PARD6B: variants seen among roughly 807,000 people sequenced by gnomAD.
The protein encoded by PARD6B is partitioning defective 6 homolog beta.
PARD6B carries 4 observed loss-of-function variants against 10.5 expected under a neutral mutation model. That is an observed-to-expected ratio of 0.38 (90% CI 0.19 to 0.87). PARD6B has a LOEUF of 0.87. Among genes scored for constraint, PARD6B ranks in the 40% least tolerant of loss-of-function variants. PARD6B has a pLI of 0.41. For synonymous variants in PARD6B, 169 were observed against 170.4 expected (o/e 0.99, Z 0.07); for missense variants, 396 against 470.6 (o/e 0.84, Z 1.47).
chr20:50,735,961 T>C (rs1026398387), intron 1 of PARD6B, among the ~76,000 whole-genome samples: 1 of 152,218 alleles, frequency 6.6e-6, no homozygotes, highest in African/African-American at 2.4e-5. Flanking sequence ...TTTGATAACA[T>C]CATGAGACTA....
At position 50,753,086 on chromosome 20, in the gene PARD6B, TA is replaced by T. The variant is rs2087623755; in HGVS notation, c.*2601del. Reference sequence around the variant, plus strand: ...CACACTACCTCTCTCTTTTTTTTTTTAAAGTTTTAACATCAGAACTTTTGGG... The same window carrying T: ...CACACTACCTCTCTCTTTTTTTTTTTAAGTTTTAACATCAGAACTTTTGGG... On this transcript the variant is annotated 3_prime_UTR_variant, in exon 3 of 3. Coordinates refer to ENST00000371610, the MANE Select transcript of PARD6B (RefSeq NM_032521.3). 14 of 982,368 alleles carry T rather than the reference TA, an allele frequency of 1.4e-5. No homozygotes were observed. Among genetic ancestry groups the T allele is most frequent in the African/African-American group, 1.1e-4 (6 of 57,006 alleles). 60.9% of individuals were successfully genotyped at this position (982,368 alleles called of 1,614,324 possible). A position where few individuals can be genotyped will look rare whatever the true frequency, so the allele number is the denominator to read the frequency against.
At chr20:50,740,536 T>C (rs900612503) in intron 2 of PARD6B, among the ~76,000 whole-genome samples, 1 of 152,232 alleles carries the variant, frequency 6.6e-6, no homozygotes. Flanking sequence ...TTATCTTTTA[T>C]TTCCTTTCTA....
rs1202390165 is a variant in PARD6B, at chr20:50,731,730, C to A, written c.-57C>A. 14 of 1,387,990 alleles carry A rather than the reference C, an allele frequency of 1.0e-5. No individual in the cohort carries two copies. The East Asian group carries it at 4.4e-4, about 43-fold the overall frequency. 86.0% of individuals were successfully genotyped at this position (1,387,990 alleles called of 1,614,324 possible). On this transcript the variant is annotated 5_prime_UTR_variant, in exon 1 of 3. Transcript: ENST00000371610. ...GATCCCCAGTCGCGCACTCGCTCCC[C>A]GCGCTCCTGAGGGGCCGCCCGGCCG...
In PARD6B at chr20:50,753,343, C is replaced by T. The variant is rs945184195; in HGVS notation, c.*2855C>T. On this transcript the variant is annotated 3_prime_UTR_variant, in exon 3 of 3. Coordinates refer to ENST00000371610, the MANE Select transcript of PARD6B (RefSeq NM_032521.3). The stretch of plus-strand genomic sequence containing the variant: ...GTAAAACCAATAGATCCTGGTTATA[C>T]GATAAAATATCAGCTCATTGGTAGG... 12 of 984,988 alleles carry T rather than the reference C, an allele frequency of 1.2e-5. No individual in the cohort carries two copies. The South Asian group carries it at 1.4e-4, about 12-fold the overall frequency. The allele number at this position is 984,988 out of a possible 1,614,324, so 61.0% of individuals were successfully genotyped here.
At position 50,750,057 on chromosome 20, in the gene PARD6B, C is replaced by G. The variant is rs76004231; in HGVS notation, c.688C>G (p.Gln230Glu). 5 of 1,614,072 alleles carry G rather than the reference C, an allele frequency of 3.1e-6. No homozygotes were observed. In the African/African-American group the frequency reaches 6.7e-5, roughly 22 times the overall value. The change falls in exon 3 of 3, where the codon CAA becomes GAA. Residue 230 changes from glutamine (Q) to glutamate (E), a missense_variant. Transcript: ENST00000371610. Reference protein sequence around the residue: ...GIEVSGKSLDQVTDMMIANSR... With the variant: ...GIEVSGKSLDEVTDMMIANSR... Reference sequence around the variant, plus strand: ...AGAAGTTTCAGGGAAGAGCCTTGATCAAGTAACAGACATGATGATTGCAAA... The same window carrying G: ...AGAAGTTTCAGGGAAGAGCCTTGATGAAGTAACAGACATGATGATTGCAAA...
rs1232164121 is a variant in PARD6B at position 50,751,337 on chromosome 20, T to G, written c.*849T>G. 52 of 917,834 alleles carry G rather than the reference T, an allele frequency of 5.7e-5. No homozygotes were observed. The highest frequency in any genetic ancestry group is 2.5e-4 in the South Asian group (5 of 20,022). The allele number at this position is 917,834 out of a possible 1,614,324, so 56.9% of individuals were successfully genotyped here. On this transcript the variant is annotated 3_prime_UTR_variant, in exon 3 of 3. Transcript: ENST00000371610. ...TGTTCTCAAGTACATTTCCAGTTTC[T>G]TTTCTTTTCTTTCTTTTTTTTTTTT...
At chr20:50,740,512 T>C (rs2087525114) in intron 2 of PARD6B, among the ~76,000 whole-genome samples, 1 of 152,238 alleles carries the variant, frequency 6.6e-6, no homozygotes, top group Non-Finnish European at 1.5e-5. Flanking sequence ...AATCCTAACA[T>C]CTTTTAAGGG....
intron 1 of PARD6B, among the ~76,000 whole-genome samples, chr20:50,733,815 T>A (rs989448289): frequency 5.7e-4 from 86 of 152,198 alleles, no homozygotes; most frequent in African/African-American, 2.0e-3. Flanking sequence ...GTCTTTAATT[T>A]TTTTCCACAG....
chr20:50,736,868 T>A (rs1435632547), intron 1 of PARD6B, among the ~76,000 whole-genome samples: 1 of 152,066 alleles, frequency 6.6e-6, no homozygotes, highest in Admixed American at 6.5e-5. Context: ...ACCTGGCTAA[T>A]TTTTGTATTT....
chr20:50,732,285 G>GGA (rs2087475880), intron 1 of PARD6B, among the ~76,000 whole-genome samples: 1 of 152,238 alleles, frequency 6.6e-6, no homozygotes, highest in African/African-American at 2.4e-5. Flanking sequence ...GAGTGGCGAA[G>GGA]GAGAGAGCCC....
Position 50,738,096 on chromosome 20 carries a change from A to C in PARD6B, c.289+17A>C. 6.5e-7 allele frequency: 1 copy of C among 1,530,650 alleles called. No homozygotes were observed. The highest frequency in any genetic ancestry group is 1.2e-5 in the South Asian group (1 of 81,410). 94.8% of individuals were successfully genotyped at this position (1,530,650 alleles called of 1,614,324 possible). ...AAAAGAAGGGTAAGTATCACTGTTT[A>C]GAAAAATTGTGTTAGAAATAGAAAT... On this transcript the variant is annotated intron_variant, in intron 2 of 2. Transcript: ENST00000371610.
At chr20:50,737,783 A>G (rs1395877645) in intron 1 of PARD6B, 74 bp from the exon 2 acceptor site, 4 of 939,290 alleles carry the variant, frequency 4.3e-6, no homozygotes, top group South Asian at 4.0e-5. Context: ...TAATTTTTCT[A>G]TGGCATGCAT....
At chr20:50,732,468 A>G (rs561628045) in intron 1 of PARD6B, among the ~76,000 whole-genome samples, 12 of 152,178 alleles carry the variant, frequency 7.9e-5, no homozygotes, top group Non-Finnish European at 1.2e-4. Flanking sequence ...ACCTACTCAC[A>G]TCAAGTGCTT....
chr20:50,736,490 T>C (rs1418232856), intron 1 of PARD6B, among the ~76,000 whole-genome samples: 1 of 152,224 alleles, frequency 6.6e-6, no homozygotes, highest in Non-Finnish European at 1.5e-5. Context: ...AGGGCTTAAA[T>C]GAGCCTTTAA....
At chr20:50,741,168 C>T (rs191328766) in intron 2 of PARD6B, among the ~76,000 whole-genome samples, 39 of 152,104 alleles carry the variant, frequency 2.6e-4, no homozygotes, top group African/African-American at 8.4e-4. Context: ...ACCATGTTGG[C>T]CAGGCTGGTC....
chr20:50,746,946 T>C (rs2087570566), intron 2 of PARD6B, among the ~76,000 whole-genome samples: 1 of 152,192 alleles, frequency 6.6e-6, no homozygotes, highest in South Asian at 2.1e-4. Flanking sequence ...AAAAGATTGT[T>C]GTACCAATGG....
Position 50,753,631 on chromosome 20 carries a change from AT to A in PARD6B, c.*3147del. The A allele has an allele frequency of 1.3e-6, 1 of 795,452 alleles. No homozygotes were observed. Among genetic ancestry groups the A allele is most frequent in the Non-Finnish European group, 1.5e-6 (1 of 656,450 alleles). 49.3% of individuals were successfully genotyped at this position (795,452 alleles called of 1,614,324 possible). A position where few individuals can be genotyped will look rare whatever the true frequency, so the allele number is the denominator to read the frequency against. ...TATCAAATGTCAGTATTTTACTACA[AT>A]TTTATTATAAAGTGTACATTATCAC... is the stretch of plus-strand genomic sequence containing the variant. On this transcript the variant is annotated 3_prime_UTR_variant, in exon 3 of 3. Coordinates refer to ENST00000371610, the MANE Select transcript of PARD6B (RefSeq NM_032521.3).
chr20:50,738,650 C>A (rs2087512898), intron 2 of PARD6B, among the ~76,000 whole-genome samples: 1 of 152,092 alleles, frequency 6.6e-6, no homozygotes, highest in Non-Finnish European at 1.5e-5. Flanking sequence ...TAAATACTTT[C>A]TTTCTTTTAC....
chr20:50,746,236 G>A (rs2123706327), intron 2 of PARD6B, among the ~76,000 whole-genome samples: 1 of 152,274 alleles, frequency 6.6e-6, no homozygotes, highest in East Asian at 1.9e-4. Context: ...TGTTTAAAGA[G>A]TAAGAGGTTC....
Sources: gnomAD v4.1 joint callset for allele counts (sites outside exome capture counted in the v4.1 genomes callset) on GRCh38, gnomAD v4.1.1 for gene constraint, MANE v1.5 for transcripts, NCBI Gene and HGNC (gene_info 2026-07-23, HGNC 2026-07-21) for gene names.